ZNF446: variants seen among roughly 807,000 people sequenced by gnomAD.
ZNF446 encodes zinc finger protein 446, also known as zinc finger protein with KRAB and SCAN domains 20.
In ZNF446, 42 loss-of-function variants were observed where a neutral mutation model predicts 34.0. The observed-to-expected ratio is 1.23, with a 90% CI of 0.96 to 1.60. The LOEUF is 1.60. Ranked by LOEUF, ZNF446 falls within the 40% of genes most tolerant of loss-of-function variation. ZNF446 has a pLI of 0.00. For synonymous variants in ZNF446, 315 were observed against 251.0 expected (o/e 1.25, Z -2.41); for missense variants, 650 against 600.2 (o/e 1.08, Z -0.87).
chr19:58,477,731 C>T lies in ZNF446; in HGVS notation c.437C>T (p.Ser146Phe), dbSNP rs750425361. 1 of 1,613,560 alleles carries T rather than the reference C, an allele frequency of 6.2e-7. No homozygotes were observed. The highest frequency in any genetic ancestry group is 8.5e-7 in the Non-Finnish European group (1 of 1,179,828). ...CCCCACCCCTCAGGGACAGTGGAGT[C>T]CCCTGGGGAAGGTCCCCAGGACACC... ...GSPHPSGTVE[S>F]PGEGPQDTRI... is the part of the protein sequence containing the mutation. The change falls in exon 3 of 7, where the codon TCC becomes TTC. Residue 146 changes from serine (S) to phenylalanine (F), a missense_variant. Physicochemically the swap from Ser to Phe is radical, Grantham distance 155. Coordinates refer to ENST00000594369, the MANE Select transcript of ZNF446 (RefSeq NM_017908.4).
chr19:58,482,067 T>A (rs948327088), downstream of ZNF446, among the ~76,000 whole-genome samples: 1 of 152,168 alleles, frequency 6.6e-6, no homozygotes, highest in African/African-American at 2.4e-5. Context: ...GTGCTGGGAT[T>A]ACAGGCGTGA....
chr19:58,476,544 TGTGGCCATCCCTCGACTCCGCGCAAC>T (rs1339875431), intron 1 of ZNF446, 40 bp downstream of exon 1: 11 of 152,282 alleles, frequency 7.2e-5, no homozygotes, highest in Non-Finnish European at 1.3e-4. Context: ...GCCGGGATGC[TGTGGCCATCCCTCGACTCCGCGCAAC>T]GTGGAGCTTT....
chr19:58,479,427 AGTAGAGGGG>A, intron 4 of ZNF446: 37 of 574,058 alleles, frequency 6.4e-5, no homozygotes, highest in South Asian at 1.6e-4. Context: ...AGGATGGTGT[AGTAGAGGGG>A]GATGAGTGCT....
chr19:58,479,880 C>T (rs2053121882), intron 5 of ZNF446, 50 bp from the exon 6 acceptor site: 2 of 1,447,468 alleles, frequency 1.4e-6, no homozygotes, highest in Non-Finnish European at 1.9e-6. Context: ...ACCGACCCCA[C>T]CCCTCCTTCA....
the ZNF446 span, among the ~76,000 whole-genome samples, chr19:58,486,724 G>GGGT: frequency 6.7e-6 from 1 of 150,338 alleles, no homozygotes; most frequent in African/African-American, 2.4e-5. Context: ...TTTTGGGGGG[G>GGGT]GGCGGGGAGA....
intron 4 of ZNF446, among the ~76,000 whole-genome samples, chr19:58,478,754 T>C (rs983789223): frequency 3.3e-5 from 5 of 151,718 alleles, no homozygotes; most frequent in African/African-American, 1.2e-4. Context: ...CTTCCTCACC[T>C]CCAGAGAAGT....
chr19:58,477,359 G>T lies in ZNF446; in HGVS notation c.141G>T (p.Leu47=). 1.2e-6 allele frequency: 2 copies of T among 1,613,492 alleles called. No homozygotes were observed. The highest frequency in any genetic ancestry group is 8.5e-7 in the Non-Finnish European group (1 of 1,180,018). ...VAGPREALAR[L]RELCCQWLQP... The stretch of plus-strand genomic sequence containing the variant: ...GTCCCCGAGAAGCCCTGGCCCGGCT[G>T]CGTGAGCTGTGTTGCCAGTGGCTGC... Residue 47 remains leucine (L), a synonymous_variant, in exon 2 of 7, where the codon CTG becomes CTT. Coordinates refer to ENST00000594369, the MANE Select transcript of ZNF446 (RefSeq NM_017908.4).
chr19:58,488,730 A>G, the ZNF446 span, among the ~76,000 whole-genome samples: 22 of 151,418 alleles, frequency 1.5e-4, 1 homozygote, highest in South Asian at 6.3e-4. Context: ...AGGCACCTGT[A>G]GTCCCAGCTA....
Position 58,480,131 on chromosome 19 carries a change from G to A in ZNF446, c.803-45G>A. ...TGCCACGGCCACAAGCCTGAGGGAG[G>A]GGTTGCTGAGTGCCGGGACTCACCT... is the stretch of plus-strand genomic sequence containing the variant. On this transcript the variant is annotated intron_variant, in intron 6 of 6. Transcript: ENST00000594369. This position sits in a 1 kb window ranked among gnomAD's most constrained non-coding sequence, Gnocchi z 7.2. 3.8e-6 allele frequency: 6 copies of A among 1,573,588 alleles called. No homozygotes were observed. Among genetic ancestry groups the A allele is most frequent in the Non-Finnish European group, 5.1e-6 (6 of 1,166,414 alleles).
At position 58,477,416 on chromosome 19, in the gene ZNF446, G is replaced by A. The variant is rs531711877; in HGVS notation, c.198G>A (p.Leu66=). ...QPEAHSKEQM[L]EMLVLEQFLG... is the part of the protein sequence containing the mutation. ...AGGCACACTCCAAGGAGCAGATGCT[G>A]GAGATGCTGGTGCTGGAGCAGTTCC... Residue 66 remains leucine, a synonymous_variant, in exon 2 of 7, where the codon CTG becomes CTA. Transcript: ENST00000594369. 5.6e-6 allele frequency: 9 copies of A among 1,613,486 alleles called. No individual in the cohort carries two copies. The African/African-American group carries it at 1.2e-4, about 22-fold the overall frequency.
At chr19:58,483,349 T>G (rs546192147), downstream of ZNF446, among the ~76,000 whole-genome samples, 12 of 152,118 alleles carry the variant, frequency 7.9e-5, no homozygotes, top group South Asian at 2.5e-3. Context: ...ATTAGCCAGG[T>G]ATGGTGACAT....
At chr19:58,481,896 C>T (rs1173571384), downstream of ZNF446, among the ~76,000 whole-genome samples, 1 of 152,152 alleles carries the variant, frequency 6.6e-6, no homozygotes, top group Non-Finnish European at 1.5e-5. Flanking sequence ...CGGGTTCACG[C>T]CATTCTCCTG....
In ZNF446 at chr19:58,479,982, G is replaced by A. The variant is rs1299883754; in HGVS notation, c.765G>A (p.Leu255=). 1 of 1,591,278 alleles carries A rather than the reference G, an allele frequency of 6.3e-7. No homozygotes were observed. Among genetic ancestry groups the A allele is most frequent in the Non-Finnish European group, 8.5e-7 (1 of 1,171,652 alleles). ...AGGCCCAGTCAGAGCTGGGGATGCT[G>A]CTCACGGGGACAGGCGTCTGCAGAA... ...EAQAQSELGM[L]LTGTGVCRSL... Residue 255 remains leucine (L), a synonymous_variant, in exon 6 of 7, where the codon CTG becomes CTA. Transcript: ENST00000594369.
At chr19:58,485,229 G>A (rs182390370), downstream of ZNF446, among the ~76,000 whole-genome samples, 84 of 151,806 alleles carry the variant, frequency 5.5e-4, no homozygotes, top group South Asian at 1.7e-3. Context: ...GGCTGGGCAC[G>A]GTGGCTCATG....
the ZNF446 span, among the ~76,000 whole-genome samples, chr19:58,487,357 GTCCATC>G: frequency 6.6e-6 from 1 of 152,130 alleles, no homozygotes; most frequent in African/African-American, 2.4e-5. Context: ...CGAGCAATCT[GTCCATC>G]TCTGCCTCAC....
intron 2 of ZNF446, 25 bp from the exon 3 acceptor site, chr19:58,477,612 A>G (rs377700083): frequency 2.7e-5 from 44 of 1,613,506 alleles, no homozygotes; most frequent in Non-Finnish European, 3.6e-5. Context: ...GGCTAGAGCC[A>G]TTGTGACCTA....
rs145426834 is a variant in ZNF446, at chr19:58,480,550, C to T, written c.1177C>T (p.Arg393Trp). 8.3e-4 allele frequency: 1,333 copies of T among 1,612,952 alleles called. 1 individual carries two copies. Among genetic ancestry groups the T allele is most frequent in the Non-Finnish European group, 1.1e-3 (1,259 of 1,179,924 alleles). ...CCCCCGACGCTCACTCACAGGCCCC[C>T]GGAGTTACCCGTGTGAGGAGTGCGG... ...HHPRRSLTGP[R>W]SYPCEECGCS... The change falls in exon 7 of 7, where the codon CGG (arginine) becomes TGG (tryptophan). Residue 393 changes from arginine (R) to tryptophan (W), a missense_variant. Coordinates refer to ENST00000594369, the MANE Select transcript of ZNF446 (RefSeq NM_017908.4). This position sits in a 1 kb window ranked among gnomAD's most constrained non-coding sequence, Gnocchi z 7.2.
Position 58,480,529 on chromosome 19 carries a change from CGACG to C in ZNF446, c.1157_1160del (p.Arg386ProfsTer227). ...GGAGGTGGCCTTTCCGCACCACCCC[CGACG>C]CTCACTCACAGGCCCCCGGAGTTAC... On this transcript the variant is annotated frameshift_variant, in exon 7 of 7. Coordinates refer to ENST00000594369, the MANE Select transcript of ZNF446 (RefSeq NM_017908.4). LOFTEE classifies it low-confidence loss of function (END_TRUNC). This position sits in a 1 kb window ranked among gnomAD's most constrained non-coding sequence, Gnocchi z 7.2. The C allele has an allele frequency of 1.2e-6, 2 of 1,612,660 alleles. No homozygotes were observed. The highest frequency in any genetic ancestry group is 1.7e-6 in the Non-Finnish European group (2 of 1,179,704).
At chr19:58,477,003 T>C (rs1231155118) in intron 1 of ZNF446, among the ~76,000 whole-genome samples, 176 bp from the exon 2 acceptor site, 3 of 152,136 alleles carry the variant, frequency 2.0e-5, no homozygotes, top group South Asian at 2.1e-4. Flanking sequence ...TGCTCTCATT[T>C]GCCATCATTG....
Sources: gnomAD v4.1 joint callset for allele counts (sites outside exome capture counted in the v4.1 genomes callset) on GRCh38, gnomAD v4.1.1 for gene constraint, Gnocchi (gnomAD v3.1) non-coding constraint, MANE v1.5 for transcripts, NCBI Gene and HGNC (gene_info 2026-07-23, HGNC 2026-07-21) for gene names.